DACT3: variants seen among roughly 807,000 people sequenced by gnomAD.
DACT3 encodes the protein dapper homolog 3.
A neutral mutation model predicts 19.6 loss-of-function variants in DACT3; 5 were observed. The ratio of observed to expected loss-of-function variants is 0.26; its 90% CI spans 0.13 to 0.54. DACT3 has a LOEUF of 0.54. Among genes scored for constraint, DACT3 ranks in the 20% least tolerant of loss-of-function variants. The probability of loss-of-function intolerance (pLI) is 0.95; values close to 1 mark genes in which losing one functional copy is unlikely to be tolerated. For missense variants in DACT3, 908 were observed against 927.4 expected, an observed-to-expected ratio of 0.98 and a Z score of 0.27; for synonymous variants, 454 against 428.1, an observed-to-expected ratio of 1.06 and a Z score of -0.75.
At position 46,660,896 on chromosome 19, in the gene DACT3, C is replaced by T. The variant is rs2053070814; in HGVS notation, c.169G>A (p.Ala57Thr). ...TCATCGGCGTCCTCCTCGTCCTCGG[C>T]CTCGGCGCCCCCCATTCCGGGCTGG... ...LAQPGMGGAE[A>T]EDEEDADEDE... is the part of the protein sequence containing the mutation. The change falls in exon 1 of 4, where the codon GCC (alanine) becomes ACC (threonine). Residue 57 changes from alanine (A) to threonine (T), a missense_variant. By Grantham distance (58) the Ala-to-Thr change is moderately conservative. This residue lies in a region of DACT3 where 252 missense variants were observed against 325.6 expected (regional missense o/e 0.77). Coordinates refer to ENST00000391916, the MANE Select transcript of DACT3 (RefSeq NM_145056.3). This position sits in a 1 kb window ranked among gnomAD's most constrained non-coding sequence, Gnocchi z 4.9. 2 of 1,537,038 alleles carry T rather than the reference C, an allele frequency of 1.3e-6. No individual in the cohort carries two copies. The highest frequency in any genetic ancestry group is 2.0e-5 in the Admixed American group (1 of 50,752).
At chr19:46,655,891 G>A (rs955494333) in intron 1 of DACT3, among the ~76,000 whole-genome samples, 2 of 141,454 alleles carry the variant, frequency 1.4e-5, no homozygotes, top group African/African-American at 2.7e-5. Flanking sequence ...AGGCGACATA[G>A]TGAGACCCAG....
At chr19:46,651,693 G>GT (rs2052987547) in intron 3 of DACT3, 8 of 116,792 alleles carry the variant, frequency 6.8e-5, no homozygotes, top group East Asian at 3.0e-4. Flanking sequence ...TGTGTGTGTG[G>GT]TTGGTGTTTT....
intron 3 of DACT3, chr19:46,651,437 G>A (rs1398859894): frequency 6.6e-6 from 1 of 152,118 alleles, no homozygotes; most frequent in East Asian, 1.9e-4. Flanking sequence ...CTGAGGGCAG[G>A]GATTTGCCTG....
rs1162126130 is a variant in DACT3 at position 46,660,670 on chromosome 19, A to C, written c.249+146T>G. 3 of 1,360,330 alleles carry C rather than the reference A, an allele frequency of 2.2e-6. No individual in the cohort carries two copies. Among genetic ancestry groups the C allele is most frequent in the African/African-American group, 3.1e-5 (2 of 64,796 alleles). 84.3% of individuals were successfully genotyped at this position (1,360,330 alleles called of 1,614,324 possible). On this transcript the variant is annotated intron_variant, in intron 1 of 3. Transcript: ENST00000391916. The surrounding 1 kb of genome is among the most constrained non-coding windows in gnomAD (Gnocchi z 4.9). ...GAGGCCAGGTCCGGCCCGCCGCCGG[A>C]ACTCCGGGGTCGCCAGCCCCACCCC... is the stretch of plus-strand genomic sequence containing the variant.
chr19:46,649,301 C>A lies in DACT3; in HGVS notation c.1071G>T (p.Ala357=). 1 of 1,233,816 alleles carries A rather than the reference C, an allele frequency of 8.1e-7. No individual in the cohort carries two copies. Among genetic ancestry groups the A allele is most frequent in the Non-Finnish European group, 1.0e-6 (1 of 986,496 alleles). 76.4% of individuals were successfully genotyped at this position (1,233,816 alleles called of 1,614,324 possible). Residue 357 remains alanine (A), a synonymous_variant, in exon 4 of 4, where the codon GCG becomes GCT. Coordinates refer to ENST00000391916, the MANE Select transcript of DACT3 (RefSeq NM_145056.3). ...CCGCCTGCGCGCCCGGGATGTACTG[C>A]GCCTTCACCAAGCGGCCCTCAGCCG... The part of the protein sequence containing the change: ...DSPAEGRLVK[A]QYIPGAQAAT...
At chr19:46,652,942 C>A (rs375014602) in intron 2 of DACT3, 37 bp downstream of exon 2, 1 of 1,547,798 alleles carries the variant, frequency 6.5e-7, no homozygotes, top group East Asian at 2.4e-5. Flanking sequence ...AACATGGAGG[C>A]GTCCCAGGCA....
chr19:46,660,652 G>C lies in DACT3; in HGVS notation c.249+164C>G, dbSNP rs1482154429. On this transcript the variant is annotated intron_variant, in intron 1 of 3. Coordinates refer to ENST00000391916, the MANE Select transcript of DACT3 (RefSeq NM_145056.3). This position sits in a 1 kb window ranked among gnomAD's most constrained non-coding sequence, Gnocchi z 4.9. ...CCCCGATTTGGGGGCGGGGAGGCCA[G>C]GTCCGGCCCGCCGCCGGAACTCCGG... is the stretch of plus-strand genomic sequence containing the variant. Among the ~76,000 whole-genome samples the C allele has an allele frequency of 6.6e-6, 1 of 152,138 alleles. No individual in the cohort carries two copies. Among genetic ancestry groups the C allele is most frequent in the African/African-American group, 2.4e-5 (1 of 41,446 alleles).
intron 1 of DACT3, among the ~76,000 whole-genome samples, chr19:46,655,383 A>ACCTT (rs34529048): frequency 9.9e-4 from 150 of 152,240 alleles, no homozygotes; most frequent in Non-Finnish European, 1.7e-3. Context: ...AGGCCAAGGC[A>ACCTT]GGGAGGATCA....
intron 1 of DACT3, among the ~76,000 whole-genome samples, chr19:46,659,820 C>A (rs897133479): frequency 6.6e-6 from 1 of 152,050 alleles, no homozygotes; most frequent in African/African-American, 2.4e-5. Context: ...GAGGGGAAGA[C>A]AGACTGAGCC....
In DACT3 at chr19:46,648,906, C is replaced by T. The variant is rs2122432776; in HGVS notation, c.1466G>A (p.Arg489His). Residue 489 changes from arginine to histidine, a missense_variant, in exon 4 of 4, where the codon CGC becomes CAC. By Grantham distance (29) the Arg-to-His change is conservative. Around this residue, in one of 2 missense-constraint regions of DACT3, gnomAD observed 656 missense variants for 601.8 expected, o/e 1.09. Transcript: ENST00000391916. The surrounding 1 kb of genome is among the most constrained non-coding windows in gnomAD (Gnocchi z 5.1). The part of the protein sequence containing the change: ...TAEIDAADGR[R>H]VRPRAPAARV... ...CGCCGCAGGGGCTCGGGGCCGCACG[C>T]GGCGCCCATCGGCAGCGTCGATCTC... 3.0e-6 allele frequency: 4 copies of T among 1,355,792 alleles called. No homozygotes were observed. The Admixed American group carries it at 1.6e-4, about 54-fold the overall frequency. The allele number at this position is 1,355,792 out of a possible 1,614,324, so 84.0% of individuals were successfully genotyped here. A position where few individuals can be genotyped will look rare whatever the true frequency, so the allele number is the denominator to read the frequency against.
Position 46,648,860 on chromosome 19 carries a change from C to CGGGCCG in DACT3, c.1506_1511dup (p.Gly503_Pro504dup), listed in dbSNP as rs1182087985. On this transcript the variant is annotated inframe_insertion, in exon 4 of 4. Transcript: ENST00000391916. This position sits in a 1 kb window ranked among gnomAD's most constrained non-coding sequence, Gnocchi z 5.1. The stretch of plus-strand genomic sequence containing the variant: ...GACGACGCTGGGGAGCTGACGGGGA[C>CGGGCCG]GGGCCGGGGCCGGGAACACGCGCCG... 14 of 1,429,118 alleles carry CGGGCCG rather than the reference C, an allele frequency of 9.8e-6. No individual in the cohort carries two copies. The highest frequency in any genetic ancestry group is 5.8e-5 in the South Asian group (4 of 68,398). The allele number at this position is 1,429,118 out of a possible 1,614,324, so 88.5% of individuals were successfully genotyped here.
chr19:46,652,524 G>C (rs986560751), intron 3 of DACT3, 136 bp downstream of exon 3: 3 of 963,374 alleles, frequency 3.1e-6, no homozygotes, highest in Admixed American at 5.8e-5. Context: ...AGAAATAAGA[G>C]ACCTGCTCAT....
chr19:46,653,539 T>TTTTATTTATTTATTTA (rs113003822), intron 1 of DACT3, among the ~76,000 whole-genome samples: 41,988 of 140,980 alleles, frequency 0.3, 6,646 homozygotes, highest in Non-Finnish European at 0.33. Flanking sequence ...CTTTTTTTAT[T>TTTTATTTATTTATTTA]TTTATTTATT....
rs1259082542 is a variant in DACT3 at position 46,649,695 on chromosome 19, A to G, written c.677T>C (p.Met226Thr). ...LTPSPLHAVA[M>T]RSPRPCGRPP... Reference sequence around the variant, plus strand: ...GCGGCCGCAGGGCCGCGGGCTGCGCATCGCCACGGCGTGCAGGGGGCTGGG... The same window carrying G: ...GCGGCCGCAGGGCCGCGGGCTGCGCGTCGCCACGGCGTGCAGGGGGCTGGG... The change falls in exon 4 of 4, where the codon ATG (methionine) becomes ACG (threonine). Residue 226 changes from methionine (M) to threonine (T), a missense_variant. Met to Thr is a moderately conservative substitution (Grantham distance 81). This residue lies in a region of DACT3 where 252 missense variants were observed against 325.6 expected (regional missense o/e 0.77). Transcript: ENST00000391916. 5.0e-6 allele frequency: 6 copies of G among 1,194,768 alleles called. No homozygotes were observed. Among genetic ancestry groups the G allele is most frequent in the Non-Finnish European group, 6.2e-6 (6 of 965,394 alleles). The allele number at this position is 1,194,768 out of a possible 1,614,324, so 74.0% of individuals were successfully genotyped here. A position where few individuals can be genotyped will look rare whatever the true frequency, so the allele number is the denominator to read the frequency against.
chr19:46,659,205 C>T (rs1329388644), intron 1 of DACT3: 1 of 985,090 alleles, frequency 1.0e-6, no homozygotes, highest in Non-Finnish European at 1.2e-6. Context: ...CCGCCTCCTC[C>T]CTGATGCTGG....
intron 1 of DACT3, among the ~76,000 whole-genome samples, chr19:46,658,805 C>G (rs996478939): frequency 6.6e-6 from 1 of 152,016 alleles, no homozygotes; most frequent in African/African-American, 2.4e-5. Flanking sequence ...GTATCCAGTG[C>G]CCATTTATCT....
intron 3 of DACT3, 68 bp from the exon 4 acceptor site, chr19:46,649,940 T>A: frequency 7.7e-7 from 1 of 1,296,478 alleles, no homozygotes; most frequent in Non-Finnish European, 9.8e-7. Context: ...CCTTTCCCAT[T>A]TCTCATCCAG....
intron 1 of DACT3, chr19:46,659,048 G>T (rs2053053376): frequency 1.0e-6 from 1 of 975,394 alleles, no homozygotes; most frequent in Non-Finnish European, 1.2e-6. Flanking sequence ...CCTGGCAGGG[G>T]CTGGGGGTGG....
In DACT3 at chr19:46,648,249, C is replaced by T. The variant is rs2052937517; in HGVS notation, c.*233G>A. The T allele has an allele frequency of 1.6e-6, 1 of 635,562 alleles. No homozygotes were observed. Among genetic ancestry groups the T allele is most frequent in the Non-Finnish European group, 2.7e-6 (1 of 373,244 alleles). The allele number at this position is 635,562 out of a possible 1,614,324, so 39.4% of individuals were successfully genotyped here. ...CGCCCAGAGAAGGGGAACTGTCTTG[C>T]CCAAGGGCTTCCAAGCTAGAAGCTG... On this transcript the variant is annotated 3_prime_UTR_variant, in exon 4 of 4. Coordinates refer to ENST00000391916, the MANE Select transcript of DACT3 (RefSeq NM_145056.3). This position sits in a 1 kb window ranked among gnomAD's most constrained non-coding sequence, Gnocchi z 5.1.
Sources: allele counts gnomAD v4.1 joint callset (sites outside exome capture counted in the v4.1 genomes callset), GRCh38; gene constraint gnomAD v4.1.1; regional missense constraint gnomAD v4.1.1; non-coding constraint Gnocchi (gnomAD v3.1); transcripts MANE v1.5; gene names NCBI Gene and HGNC (gene_info 2026-07-23, HGNC 2026-07-21).